Variants in HSD17B14 observed in about 807,000 individuals in gnomAD.
HSD17B14 encodes hydroxysteroid 17-beta dehydrogenase 14.
In HSD17B14, 32 loss-of-function variants were observed where a neutral mutation model predicts 32.2. That is an observed-to-expected ratio of 0.99 (90% confidence interval 0.75 to 1.33). HSD17B14 has a LOEUF of 1.33. HSD17B14 is among the 40% of genes most tolerant of loss of function. The pLI is 0.00. For missense variants in HSD17B14, 370 were observed against 366.5 expected, an observed-to-expected ratio of 1.01 and a Z score of -0.08; for synonymous variants, 140 against 155.4, an observed-to-expected ratio of 0.90 and a Z score of 0.74.
At chr19:48,829,597 A>C (rs1182941446) in intron 5 of HSD17B14, among the ~76,000 whole-genome samples, 1 of 149,040 alleles carries the variant, frequency 6.7e-6, no homozygotes, top group African/African-American at 2.5e-5. Context: ...TTGGCCTCCC[A>C]AAGTGCCAGG....
At chr19:48,826,542 T>TATATATATATATATATAC in intron 5 of HSD17B14, among the ~76,000 whole-genome samples, 43 of 80,080 alleles carry the variant, frequency 5.4e-4, no homozygotes, top group Non-Finnish European at 6.6e-4. Flanking sequence ...TATATATATA[T>TATATATATATATATATAC]ACACACACAC....
intron 5 of HSD17B14, among the ~76,000 whole-genome samples, chr19:48,817,724 C>A (rs973728615): frequency 2.0e-5 from 3 of 152,200 alleles, no homozygotes; most frequent in African/African-American, 7.2e-5. Context: ...TCATAAATAT[C>A]CTTTGAATGA....
intron 5 of HSD17B14, among the ~76,000 whole-genome samples, chr19:48,822,060 G>A (rs1393326426): frequency 4.0e-5 from 6 of 151,686 alleles, no homozygotes; most frequent in Non-Finnish European, 8.8e-5. Flanking sequence ...TGATGATGGT[G>A]ATGATTGTGG....
chr19:48,814,483 T>C (rs561978205), intron 6 of HSD17B14, among the ~76,000 whole-genome samples: 2 of 147,734 alleles, frequency 1.4e-5, no homozygotes, highest in East Asian at 4.2e-4. Context: ...GATCACACCA[T>C]TGCACTCCAA....
At chr19:48,819,076 C>T (rs2035103643) in intron 5 of HSD17B14, among the ~76,000 whole-genome samples, 1 of 152,180 alleles carries the variant, frequency 6.6e-6, no homozygotes, top group Non-Finnish European at 1.5e-5. Context: ...GCAACCTCCA[C>T]CTCCCAGGTT....
intron 6 of HSD17B14, 144 bp downstream of exon 6, chr19:48,814,893 T>C (rs2035025334): frequency 3.3e-6 from 2 of 597,036 alleles, no homozygotes; most frequent in South Asian, 2.1e-5. Flanking sequence ...CAGGCAGTTA[T>C]GCCTGGGTGC....
At chr19:48,832,624 G>C (rs1392134142) in intron 4 of HSD17B14, 42 bp downstream of exon 4, 1 of 1,553,004 alleles carries the variant, frequency 6.4e-7, no homozygotes, top group Non-Finnish European at 8.9e-7. Context: ...ACAGAGTTGG[G>C]GGGCAGGAGG....
At chr19:48,831,803 G>A (rs1568524162) in intron 4 of HSD17B14, 44 bp from the exon 5 acceptor site, 1 of 1,155,308 alleles carries the variant, frequency 8.7e-7, no homozygotes, top group East Asian at 2.3e-5. Context: ...ACGGGGGCTG[G>A]ACACAGTTGC....
chr19:48,834,413 T>A (rs568052034), intron 2 of HSD17B14, 55 bp from the exon 3 acceptor site: 100 of 1,059,708 alleles, frequency 9.4e-5, no homozygotes, highest in South Asian at 3.0e-4. Flanking sequence ...GGAGGAGGGG[T>A]TGGGGACTTG....
In HSD17B14 at chr19:48,813,272, G is replaced by C; in HGVS notation, c.716C>G (p.Thr239Arg). The C allele has an allele frequency of 1.2e-6, 2 of 1,606,312 alleles. No individual in the cohort carries two copies. The highest frequency in any genetic ancestry group is 2.2e-5 in the South Asian group (2 of 89,630). The change falls in exon 9 of 9, where the codon ACG (threonine) becomes AGG (arginine). Residue 239 changes from threonine to arginine, a missense_variant. Transcript: ENST00000263278. ...CCCCGTCACGAGCAGTTCAATGCCC[G>C]TGCAGAAGTTGGCTTCGGAGGCCAG... ...VFLASEANFC[T>R]GIELLVTGGA...
chr19:48,826,361 G>T (rs1599837466), intron 5 of HSD17B14, among the ~76,000 whole-genome samples: 2 of 149,918 alleles, frequency 1.3e-5, no homozygotes, highest in East Asian at 4.0e-4. Context: ...GGGCGTAGTG[G>T]TGGGCACCTG....
intron 4 of HSD17B14, 117 bp downstream of exon 4, chr19:48,832,549 A>C: frequency 1.1e-6 from 1 of 894,096 alleles, no homozygotes; most frequent in Non-Finnish European, 1.8e-6. Flanking sequence ...CCAAGTGGCT[A>C]GAAAGAGGTA....
intron 3 of HSD17B14, among the ~76,000 whole-genome samples, chr19:48,833,114 T>C (rs2035373829): frequency 1.3e-5 from 2 of 150,948 alleles, no homozygotes; most frequent in Admixed American, 6.6e-5. Context: ...GGCTCCCAAA[T>C]GCAAGGCAGG....
Position 48,813,080 on chromosome 19 carries a change from T to A in HSD17B14, c.*95A>T. On this transcript the variant is annotated 3_prime_UTR_variant, in exon 9 of 9. Coordinates refer to ENST00000263278, the MANE Select transcript of HSD17B14 (RefSeq NM_016246.3). ...TGACCCGGCACCTTGCTAACTGGGC[T>A]TAGAGTCTAAGGGCTTGGGGGCTGC... The A allele has an allele frequency of 1.3e-6, 1 of 765,510 alleles. No individual in the cohort carries two copies. Among genetic ancestry groups the A allele is most frequent in the South Asian group, 2.0e-5 (1 of 50,952 alleles). The allele number at this position is 765,510 out of a possible 1,614,324, so 47.4% of individuals were successfully genotyped here.
At position 48,813,746 on chromosome 19, in the gene HSD17B14, C is replaced by A; in HGVS notation, c.475-16G>T. 6.2e-7 allele frequency: 1 copy of A among 1,614,030 alleles called. No homozygotes were observed. The highest frequency in any genetic ancestry group is 8.5e-7 in the Non-Finnish European group (1 of 1,179,940). ...TTACTGCCCCCTGCAGGAAATGGAG[C>A]GGGGAAGAAAGTTCAGTCCCCGGGA... On this transcript the variant is annotated splice_polypyrimidine_tract_variant and intron_variant, in intron 6 of 8. Transcript: ENST00000263278.
intron 5 of HSD17B14, among the ~76,000 whole-genome samples, chr19:48,817,989 C>A (rs1012080346): frequency 3.3e-5 from 5 of 152,148 alleles, no homozygotes; most frequent in Non-Finnish European, 7.3e-5. Context: ...AACCCATAAA[C>A]AAACAACAAT....
At chr19:48,832,866 A>G in intron 3 of HSD17B14, 134 bp from the exon 4 acceptor site, 2 of 710,628 alleles carry the variant, frequency 2.8e-6, no homozygotes, top group South Asian at 1.7e-5. Context: ...CAACTCTCCT[A>G]CCTCAGCCTC....
chr19:48,817,002 A>ATTTTTT (rs758061335), intron 5 of HSD17B14, among the ~76,000 whole-genome samples: 30 of 97,568 alleles, frequency 3.1e-4, no homozygotes, highest in African/African-American at 1.3e-3. Context: ...CACCAGGATA[A>ATTTTTT]TTTTTTTTTT....
In HSD17B14 at chr19:48,835,843, ACT is replaced by A. The variant is rs755587733; in HGVS notation, c.89-2_89-1del. ...GATAACCACTCGGGCCCCGCTGTTC[ACT>A]GAGAATAGGAAGGGAACAGGTTACT... On this transcript the variant is annotated splice_acceptor_variant, in intron 1 of 8. Transcript: ENST00000263278. LOFTEE classifies it high-confidence loss of function. 1.9e-6 allele frequency: 3 copies of A among 1,613,462 alleles called. No homozygotes were observed. The Admixed American group carries it at 5.0e-5, about 27-fold the overall frequency.
Sources: gnomAD v4.1 joint callset for allele counts (sites outside exome capture counted in the v4.1 genomes callset) on GRCh38, gnomAD v4.1.1 for gene constraint, MANE v1.5 for transcripts, NCBI Gene and HGNC (gene_info 2026-07-23, HGNC 2026-07-21) for gene names.